NXPE4: variants seen among roughly 807,000 people sequenced by gnomAD.
The protein encoded by NXPE4 is NXPE family member 4.
In NXPE4, 42 loss-of-function variants were observed where a neutral mutation model predicts 33.3. That is an observed-to-expected ratio of 1.26 (90% confidence interval 0.98 to 1.63). NXPE4 has a LOEUF of 1.63. Among genes scored for constraint, NXPE4 ranks in the 40% most tolerant of loss-of-function variants. NXPE4 has a pLI of 0.00. For missense variants in NXPE4, 709 were observed against 647.6 expected (o/e 1.09, Z -1.03); for synonymous variants, 253 against 234.9 (o/e 1.08, Z -0.71).
At chr11:114,648,041 T>C in the NXPE4 span, among the ~76,000 whole-genome samples, 1 of 152,184 alleles carries the variant, frequency 6.6e-6, no homozygotes, top group East Asian at 1.9e-4. Flanking sequence ...GTTTTGTTAA[T>C]ATTCCCTGTG....
chr11:114,639,821 A>G, the NXPE4 span, among the ~76,000 whole-genome samples: 1 of 119,554 alleles, frequency 8.4e-6, no homozygotes, highest in Non-Finnish European at 1.6e-5. Flanking sequence ...AATATAAAAT[A>G]TAATATATAT....
rs1348811818 is a variant in NXPE4, at chr11:114,571,157, G to A, written c.1416C>T (p.Ile472=). 4 of 1,613,918 alleles carry A rather than the reference G, an allele frequency of 2.5e-6. No homozygotes were observed. Among genetic ancestry groups the A allele is most frequent in the Non-Finnish European group, 3.4e-6 (4 of 1,179,922 alleles). ...LLRSPDTMVI[I]KTENIREMYN... is the part of the protein sequence containing the mutation. ...ACATCTCCCTGATGTTTTCTGTTTTGATGATAACCATAGTGTCTGGGCTTC... is the reference window on the plus strand; with the variant it reads ...ACATCTCCCTGATGTTTTCTGTTTTAATGATAACCATAGTGTCTGGGCTTC... Residue 472 remains isoleucine, a synonymous_variant, in exon 6 of 6, where the codon ATC becomes ATT. Transcript: ENST00000375478.
At chr11:114,661,471 C>T in the NXPE4 span, among the ~76,000 whole-genome samples, 15 of 152,128 alleles carry the variant, frequency 9.9e-5, no homozygotes, top group Admixed American at 3.3e-4. Context: ...GGTTCAGGAA[C>T]GCTGCCTGTT....
the NXPE4 span, among the ~76,000 whole-genome samples, chr11:114,601,804 A>G: frequency 1.3e-5 from 1 of 74,624 alleles, no homozygotes; most frequent in Non-Finnish European, 2.3e-5. Flanking sequence ...ATATGATTAT[A>G]TATTATATAA....
At chr11:114,661,161 G>A in the NXPE4 span, among the ~76,000 whole-genome samples, 2 of 152,048 alleles carry the variant, frequency 1.3e-5, no homozygotes, top group Non-Finnish European at 2.9e-5. Flanking sequence ...AATATGATTA[G>A]GATATTAGTT....
At chr11:114,574,733 A>G (rs1470354283) in intron 5 of NXPE4, among the ~76,000 whole-genome samples, 1 of 151,702 alleles carries the variant, frequency 6.6e-6, no homozygotes, top group Admixed American at 6.6e-5. Context: ...AGTTCAGGAT[A>G]GATTCACAGC....
the NXPE4 span, among the ~76,000 whole-genome samples, chr11:114,657,678 A>C: frequency 6.6e-6 from 1 of 152,172 alleles, no homozygotes; most frequent in Non-Finnish European, 1.5e-5. Context: ...ATTTGAATTC[A>C]TGCATTTAAA....
chr11:114,608,330 G>A, the NXPE4 span, among the ~76,000 whole-genome samples: 4 of 151,904 alleles, frequency 2.6e-5, no homozygotes, highest in African/African-American at 9.7e-5. Flanking sequence ...GTTACTTGCT[G>A]GATAATAAGT....
chr11:114,572,978 C>G (rs1565327227), intron 5 of NXPE4, among the ~76,000 whole-genome samples: 1 of 152,234 alleles, frequency 6.6e-6, no homozygotes, highest in East Asian at 1.9e-4. Context: ...ATCAGGTAAC[C>G]TATAAAAGAA....
chr11:114,588,031 C>T (rs1472771076), intron 2 of NXPE4, among the ~76,000 whole-genome samples: 1 of 152,132 alleles, frequency 6.6e-6, no homozygotes, highest in African/African-American at 2.4e-5. Context: ...TGTGAGACAA[C>T]CCAGAACTTT....
the NXPE4 span, among the ~76,000 whole-genome samples, chr11:114,639,504 A>C: frequency 6.6e-6 from 1 of 151,342 alleles, no homozygotes; most frequent in East Asian, 1.9e-4. Context: ...GGCACTCCCT[A>C]GTGAGATGAA....
chr11:114,611,043 A>G, the NXPE4 span, among the ~76,000 whole-genome samples: 11 of 151,636 alleles, frequency 7.3e-5, no homozygotes, highest in Admixed American at 6.6e-4. Flanking sequence ...TCTGTGGATT[A>G]TAAGTGTTGC....
chr11:114,639,866 T>A, the NXPE4 span, among the ~76,000 whole-genome samples: 207 of 44,324 alleles, frequency 4.7e-3, no homozygotes, highest in South Asian at 6.2e-3. Flanking sequence ...ATATTATATT[T>A]TATATTAAAT....
the NXPE4 span, among the ~76,000 whole-genome samples, chr11:114,673,079 ATATAT>A: frequency 6.7e-6 from 1 of 148,280 alleles, no homozygotes; most frequent in South Asian, 2.1e-4. Flanking sequence ...TATATATTAT[ATATAT>A]AACATATATA....
chr11:114,588,780 G>A (rs947864860), intron 2 of NXPE4, among the ~76,000 whole-genome samples: 1 of 152,126 alleles, frequency 6.6e-6, no homozygotes, highest in Non-Finnish European at 1.5e-5. Context: ...CAGCCTTTAT[G>A]GAAAGGCTGA....
chr11:114,669,042 C>G, the NXPE4 span, among the ~76,000 whole-genome samples: 1 of 151,968 alleles, frequency 6.6e-6, no homozygotes, highest in Non-Finnish European at 1.5e-5. Context: ...GTGGAAGAGA[C>G]TGATCAGATT....
chr11:114,651,517 G>A, the NXPE4 span, among the ~76,000 whole-genome samples: 1 of 152,326 alleles, frequency 6.6e-6, no homozygotes, highest in East Asian at 1.9e-4. Context: ...ACCTGCCACA[G>A]CATGGAAGAG....
At chr11:114,665,958 G>A in the NXPE4 span, among the ~76,000 whole-genome samples, 3 of 152,148 alleles carry the variant, frequency 2.0e-5, no homozygotes, top group African/African-American at 7.2e-5. Context: ...CAAGTGAGGA[G>A]ACTGAGGTAG....
the NXPE4 span, among the ~76,000 whole-genome samples, chr11:114,640,658 G>T: frequency 1.3e-5 from 2 of 151,918 alleles, no homozygotes; most frequent in African/African-American, 4.8e-5. Flanking sequence ...TCTGACTAGG[G>T]TAAGGTGGTA....
Sources: allele counts gnomAD v4.1 joint callset (sites outside exome capture counted in the v4.1 genomes callset), GRCh38; gene constraint gnomAD v4.1.1; transcripts MANE v1.5; gene names NCBI Gene and HGNC (gene_info 2026-07-23, HGNC 2026-07-21).